Variants in SLC25A48 observed in about 807,000 individuals in gnomAD.
The protein encoded by SLC25A48 is CTC-321K16.1.
Under a neutral mutation model 32.2 loss-of-function variants are expected in SLC25A48, and 29 were observed. That is an observed-to-expected ratio of 0.90 (90% CI 0.67 to 1.23). The LOEUF is 1.23. Ranked by LOEUF, SLC25A48 falls within the 50% of genes most tolerant of loss-of-function variation. The pLI, the probability that SLC25A48 is intolerant of heterozygous loss-of-function variation, is 0.00. For missense variants in SLC25A48, 399 were observed against 422.7 expected, an observed-to-expected ratio of 0.94 and a Z score of 0.49; for synonymous variants, 164 against 172.3, an observed-to-expected ratio of 0.95 and a Z score of 0.38.
intron 3 of SLC25A48, among the ~76,000 whole-genome samples, chr5:135,730,143 A>G (rs368143312): frequency 1.3e-5 from 2 of 152,344 alleles, no homozygotes; most frequent in South Asian, 2.1e-4. Flanking sequence ...TCCAAGTGCT[A>G]TTCTTTTTCT....
intron 3 of SLC25A48, among the ~76,000 whole-genome samples, chr5:135,717,914 C>T (rs931545411): frequency 7.9e-5 from 12 of 152,150 alleles, no homozygotes; most frequent in African/African-American, 2.4e-4. Context: ...AGGTAAACGG[C>T]GTCTCTCCTC....
At chr5:135,729,353 G>T (rs1187384774) in intron 3 of SLC25A48, among the ~76,000 whole-genome samples, 5 of 151,592 alleles carry the variant, frequency 3.3e-5, no homozygotes, top group African/African-American at 9.7e-5. Flanking sequence ...GTTGAGGAAA[G>T]ATTTTTTTTT....
At chr5:135,678,054 C>A (rs1231601351) in intron 3 of SLC25A48, among the ~76,000 whole-genome samples, 1 of 152,136 alleles carries the variant, frequency 6.6e-6, no homozygotes, top group African/African-American at 2.4e-5. Context: ...ATCTGGATGT[C>A]TAAATTTCTT....
chr5:135,774,011 C>A (rs1420177631), intron 3 of SLC25A48, among the ~76,000 whole-genome samples: 1 of 151,656 alleles, frequency 6.6e-6, no homozygotes, highest in Non-Finnish European at 1.5e-5. Flanking sequence ...GATATTACTC[C>A]CAATATCGCA....
chr5:135,588,411 A>G (rs1451224745), intron 1 of SLC25A48, among the ~76,000 whole-genome samples: 1 of 152,254 alleles, frequency 6.6e-6, no homozygotes, highest in African/African-American at 2.4e-5. Flanking sequence ...AAAATCCTCT[A>G]TAAACACCAA....
intron 3 of SLC25A48, among the ~76,000 whole-genome samples, chr5:135,769,634 T>C (rs1251677612): frequency 6.7e-6 from 1 of 150,120 alleles, no homozygotes; most frequent in Admixed American, 6.6e-5. Flanking sequence ...TAATATCCAG[T>C]TGGGTAGAGG....
At chr5:135,680,813 C>T (rs891455020) in intron 3 of SLC25A48, among the ~76,000 whole-genome samples, 1 of 152,168 alleles carries the variant, frequency 6.6e-6, no homozygotes, top group Non-Finnish European at 1.5e-5. Flanking sequence ...GGGACACAGC[C>T]AAACCATATC....
chr5:135,617,318 C>T (rs1365452086), intron 1 of SLC25A48, among the ~76,000 whole-genome samples: 1 of 151,852 alleles, frequency 6.6e-6, no homozygotes, highest in Non-Finnish European at 1.5e-5. Flanking sequence ...CTTTCTATTT[C>T]AGATTTTGTA....
upstream of SLC25A48, among the ~76,000 whole-genome samples, chr5:135,831,484 T>C (rs1353821528): frequency 6.6e-6 from 1 of 152,140 alleles, no homozygotes; most frequent in Non-Finnish European, 1.5e-5. Context: ...GCTCAGAATA[T>C]TCAGGAAACA....
At chr5:135,606,924 T>G (rs1039396805) in intron 1 of SLC25A48, among the ~76,000 whole-genome samples, 1 of 152,210 alleles carries the variant, frequency 6.6e-6, no homozygotes, top group African/African-American at 2.4e-5. Context: ...TAGAATTCCT[T>G]GCTGACGAAA....
At chr5:135,633,075 C>T (rs532763928) in intron 2 of SLC25A48, among the ~76,000 whole-genome samples, 86 of 152,220 alleles carry the variant, frequency 5.6e-4, no homozygotes, top group African/African-American at 2.0e-3. Context: ...GTTATCTCTG[C>T]AGTTTAATAG....
chr5:135,742,578 T>G (rs562281775), intron 3 of SLC25A48: 4 of 1,216,458 alleles, frequency 3.3e-6, no homozygotes, highest in South Asian at 1.3e-5. Flanking sequence ...TTCTCTTTGA[T>G]TTCCTCTATA....
chr5:135,583,325 T>C (rs890820371), intron 1 of SLC25A48, among the ~76,000 whole-genome samples: 1 of 151,960 alleles, frequency 6.6e-6, no homozygotes, highest in Non-Finnish European at 1.5e-5. Context: ...AGTGTGACTT[T>C]CCAGGAAATC....
intron 3 of SLC25A48, among the ~76,000 whole-genome samples, chr5:135,809,738 A>G (rs1757551568): frequency 6.6e-6 from 1 of 152,250 alleles, no homozygotes; most frequent in Admixed American, 6.5e-5. Flanking sequence ...AATACACAAT[A>G]TCATCTTTTG....
At chr5:135,757,882 AGAT>A (rs1199812617) in intron 3 of SLC25A48, among the ~76,000 whole-genome samples, 5 of 150,600 alleles carry the variant, frequency 3.3e-5, no homozygotes, top group East Asian at 2.0e-4. Flanking sequence ...AATATTATCT[AGAT>A]GATATATTGT....
At chr5:135,873,867 G>A (rs78883056) in intron 5 of SLC25A48, among the ~76,000 whole-genome samples, 154 bp from the exon 6 acceptor site, 10,619 of 152,284 alleles carry the variant, frequency 0.07, 416 homozygotes, top group Non-Finnish European at 0.084. Context: ...CAAGTGGCGA[G>A]GGAGAATCAG....
Position 135,651,941 on chromosome 5 carries a change from C to T in SLC25A48, c.-521+16985C>T, listed in dbSNP as rs144302702. On this transcript the variant is annotated intron_variant, in intron 3 of 10. Coordinates refer to the SLC25A48 transcript ENST00000646290. ...GGATGGATCTCTCTCATAATGGGCA[C>T]AAACGGTGAAGATATTTGAGTCCCG... is the stretch of plus-strand genomic sequence containing the variant. Among the ~76,000 whole-genome samples the T allele has an allele frequency of 1.4e-3, 216 of 152,314 alleles. 1 individual carries two copies. Among genetic ancestry groups the T allele is most frequent in the Admixed American group, 3.5e-3 (53 of 15,300 alleles).
intron 3 of SLC25A48, among the ~76,000 whole-genome samples, chr5:135,771,632 C>T (rs1223694778): frequency 6.6e-6 from 1 of 151,516 alleles, no homozygotes; most frequent in East Asian, 1.9e-4. Context: ...GGGGTGTACA[C>T]TTCCCTATGA....
intron 4 of SLC25A48, among the ~76,000 whole-genome samples, chr5:135,856,679 C>A (rs1012767077): frequency 2.0e-5 from 3 of 152,220 alleles, no homozygotes; most frequent in African/African-American, 7.2e-5. Flanking sequence ...TCTTCACCTT[C>A]ATCTTCAGCA....
Sources: gnomAD v4.1 joint callset for allele counts (sites outside exome capture counted in the v4.1 genomes callset) on GRCh38, gnomAD v4.1.1 for gene constraint, MANE v1.5 for transcripts, NCBI Gene and HGNC (gene_info 2026-07-23, HGNC 2026-07-21) for gene names.